The following KIFAP3 variants were observed in gnomAD, a reference collection of about 807,000 sequenced individuals.
KIFAP3 encodes the protein kinesin-associated protein 3.
KIFAP3 carries 68 observed loss-of-function variants against 106.5 expected under a neutral mutation model. The ratio of observed to expected loss-of-function variants is 0.64; its 90% CI spans 0.53 to 0.78. KIFAP3 has a LOEUF of 0.78. Among genes scored for constraint, KIFAP3 ranks in the 30% least tolerant of loss-of-function variants. The pLI is 0.00. For synonymous variants in KIFAP3, 320 were observed against 311.5 expected, an observed-to-expected ratio of 1.03 and a Z score of -0.29; for missense variants, 780 against 941.8, an observed-to-expected ratio of 0.83 and a Z score of 2.25.
chr1:169,988,226 C>A (rs1666934200), intron 11 of KIFAP3, among the ~76,000 whole-genome samples: 1 of 151,918 alleles, frequency 6.6e-6, no homozygotes, highest in African/African-American at 2.4e-5. Flanking sequence ...CTATAAAACA[C>A]ATATGTGATA....
At chr1:170,041,997 C>G (rs1385240480) in intron 3 of KIFAP3, 1 of 302,840 alleles carries the variant, frequency 3.3e-6, no homozygotes, top group African/African-American at 2.3e-5. Flanking sequence ...CTTATCTTGT[C>G]CTGTTTGTGT....
intron 1 of KIFAP3, among the ~76,000 whole-genome samples, chr1:170,063,039 A>G (rs1037162363): frequency 2.0e-5 from 3 of 152,180 alleles, no homozygotes; most frequent in Admixed American, 6.5e-5. Flanking sequence ...AACAAAAATG[A>G]TAACAATCCC....
At chr1:170,018,948 G>C in intron 9 of KIFAP3, among the ~76,000 whole-genome samples, 1 of 152,008 alleles carries the variant, frequency 6.6e-6, no homozygotes, top group East Asian at 1.9e-4. Flanking sequence ...CAAAATAAGA[G>C]CTGATTCTTT....
chr1:170,082,049 A>G (rs1672027974), intron 1 of KIFAP3, among the ~76,000 whole-genome samples: 1 of 152,218 alleles, frequency 6.6e-6, no homozygotes, highest in Admixed American at 6.5e-5. Flanking sequence ...CAACAGTTAA[A>G]TGCATATTTA....
intron 1 of KIFAP3, among the ~76,000 whole-genome samples, chr1:170,069,213 T>A (rs1671587659): frequency 6.6e-6 from 1 of 152,082 alleles, no homozygotes; most frequent in Non-Finnish European, 1.5e-5. Context: ...GGTGATTGAA[T>A]CAGTAATCAT....
intron 19 of KIFAP3, among the ~76,000 whole-genome samples, chr1:169,946,846 T>C (rs1281001149): frequency 2.0e-5 from 3 of 151,992 alleles, no homozygotes; most frequent in African/African-American, 7.2e-5. Context: ...GGACAGCTAC[T>C]ATGAAAGTAC....
chr1:170,055,280 A>G, intron 2 of KIFAP3, 25 bp downstream of exon 2: 1 of 1,584,988 alleles, frequency 6.3e-7, no homozygotes, highest in Non-Finnish European at 8.6e-7. Context: ...ACTACTTTCA[A>G]AATGTGCACA....
intron 11 of KIFAP3, among the ~76,000 whole-genome samples, chr1:169,988,924 T>A (rs1666968209): frequency 6.6e-6 from 1 of 151,958 alleles, no homozygotes; most frequent in African/African-American, 2.4e-5. Context: ...TAACATAACC[T>A]TATTCTGTTA....
At chr1:169,981,792 T>C (rs1247155623) in intron 15 of KIFAP3, among the ~76,000 whole-genome samples, 180 bp downstream of exon 15, 2 of 152,186 alleles carry the variant, frequency 1.3e-5, no homozygotes, top group Admixed American at 6.5e-5. Flanking sequence ...AGATCTTTGA[T>C]ATTACTCTAT....
chr1:170,028,893 A>G (rs1302918473), intron 8 of KIFAP3, among the ~76,000 whole-genome samples: 1 of 152,116 alleles, frequency 6.6e-6, no homozygotes, highest in Non-Finnish European at 1.5e-5. Flanking sequence ...AATAAAATAG[A>G]ATTTAAAAAA....
chr1:170,043,761 G>A (rs1670101772), intron 3 of KIFAP3, among the ~76,000 whole-genome samples: 1 of 152,118 alleles, frequency 6.6e-6, no homozygotes, highest in Non-Finnish European at 1.5e-5. Context: ...AGAGTCATGG[G>A]TCTCATCCCA....
intron 19 of KIFAP3, 79 bp from the exon 20 acceptor site, chr1:169,921,860 A>T: frequency 9.9e-7 from 1 of 1,013,770 alleles, no homozygotes; most frequent in Non-Finnish European, 1.5e-6. Context: ...CTACATTTTT[A>T]TACCACCAAG....
intron 18 of KIFAP3, among the ~76,000 whole-genome samples, chr1:169,959,554 A>C (rs1665204909): frequency 6.6e-6 from 1 of 152,120 alleles, no homozygotes; most frequent in Non-Finnish European, 1.5e-5. Flanking sequence ...AATATTTAGG[A>C]TTTTCACTTT....
At chr1:170,037,110 A>T (rs1669729412) in intron 5 of KIFAP3, among the ~76,000 whole-genome samples, 1 of 152,214 alleles carries the variant, frequency 6.6e-6, no homozygotes, top group Non-Finnish European at 1.5e-5. Flanking sequence ...TGGTATTGGT[A>T]TGTATATCAT....
At chr1:170,003,145 T>C (rs1667750042) in intron 10 of KIFAP3, among the ~76,000 whole-genome samples, 1 of 152,208 alleles carries the variant, frequency 6.6e-6, no homozygotes, top group Admixed American at 6.5e-5. Context: ...TGCAAATTTT[T>C]ATTATTACAT....
At chr1:170,044,694 C>T (rs1000607271) in intron 3 of KIFAP3, among the ~76,000 whole-genome samples, 2 of 152,112 alleles carry the variant, frequency 1.3e-5, no homozygotes, top group African/African-American at 2.4e-5. Flanking sequence ...AAGGAGGAGA[C>T]ACTCATGAGC....
At chr1:170,061,826 T>C (rs1460800608) in intron 1 of KIFAP3, among the ~76,000 whole-genome samples, 1 of 152,164 alleles carries the variant, frequency 6.6e-6, no homozygotes, top group African/African-American at 2.4e-5. Context: ...TGGAATACTA[T>C]GCAGCCATAA....
intron 2 of KIFAP3, among the ~76,000 whole-genome samples, chr1:170,054,002 T>C (rs1670711497): frequency 6.6e-6 from 1 of 152,136 alleles, no homozygotes; most frequent in South Asian, 2.1e-4. Flanking sequence ...TGGGATCTAA[T>C]TAAACTAAAG....
chr1:170,061,762 C>T (rs997987369), intron 1 of KIFAP3, among the ~76,000 whole-genome samples: 1 of 152,080 alleles, frequency 6.6e-6, no homozygotes, highest in Non-Finnish European at 1.5e-5. Context: ...TGGAACCAAC[C>T]CAAATGTCTA....
Sources: allele counts gnomAD v4.1 joint callset (sites outside exome capture counted in the v4.1 genomes callset), GRCh38; gene constraint gnomAD v4.1.1; transcripts MANE v1.5; gene names NCBI Gene and HGNC (gene_info 2026-07-23, HGNC 2026-07-21).